CHP1: variants seen among roughly 807,000 people sequenced by gnomAD.
The protein encoded by CHP1 is calcineurin like EF-hand protein 1.
CHP1 carries 11 observed loss-of-function variants against 27.4 expected under a neutral mutation model. The observed-to-expected ratio is 0.40, with a 90% CI of 0.25 to 0.67. The LOEUF is 0.67. CHP1 is among the 30% of genes least tolerant of loss of function. CHP1 has a pLI of 0.38. For synonymous variants in CHP1, 89 were observed against 87.4 expected, an observed-to-expected ratio of 1.02 and a Z score of -0.10; for missense variants, 169 against 251.3, an observed-to-expected ratio of 0.67 and a Z score of 2.22.
intron 1 of CHP1, among the ~76,000 whole-genome samples, chr15:41,233,537 T>C (rs1259824906): frequency 1.3e-5 from 2 of 152,192 alleles, no homozygotes; most frequent in Non-Finnish European, 1.5e-5. Flanking sequence ...TGCAAATGTA[T>C]GTATTGAGCC....
intron 2 of CHP1, among the ~76,000 whole-genome samples, chr15:41,256,211 G>A (rs1295226776): frequency 6.6e-6 from 1 of 152,182 alleles, no homozygotes; most frequent in Non-Finnish European, 1.5e-5. Context: ...GAAGAAATGA[G>A]AATAATGTAT....
intron 1 of CHP1, 119 bp downstream of exon 1, chr15:41,231,568 T>A: frequency 1.1e-6 from 1 of 945,348 alleles, no homozygotes; most frequent in South Asian, 1.4e-5. Context: ...CTGGGCAGCC[T>A]CCAGGTTTGG....
At chr15:41,249,863 A>G (rs2047356446) in intron 2 of CHP1, among the ~76,000 whole-genome samples, 3 of 150,552 alleles carry the variant, frequency 2.0e-5, no homozygotes, top group Admixed American at 1.3e-4. Context: ...TCCTCTTTCA[A>G]GGTGCTCCAT....
chr15:41,259,196 T>G (rs997766067), intron 3 of CHP1, among the ~76,000 whole-genome samples: 5 of 152,186 alleles, frequency 3.3e-5, no homozygotes, highest in African/African-American at 1.2e-4. Flanking sequence ...TATCCAAACC[T>G]TTTGCAATGA....
At chr15:41,258,113 T>TGTAC (rs1168967605) in intron 3 of CHP1, among the ~76,000 whole-genome samples, 1 of 152,164 alleles carries the variant, frequency 6.6e-6, no homozygotes, top group African/African-American at 2.4e-5. Flanking sequence ...CATGCCTACA[T>TGTAC]GTACGTACAT....
intron 2 of CHP1, among the ~76,000 whole-genome samples, chr15:41,251,490 C>G (rs1386997072): frequency 6.6e-6 from 1 of 152,178 alleles, no homozygotes; most frequent in Non-Finnish European, 1.5e-5. Context: ...GGTTGCAGAC[C>G]AGTACCAGTC....
rs1415920845 is a variant in CHP1, at chr15:41,231,289, C to G, written c.-94C>G. 26 of 1,271,922 alleles carry G rather than the reference C, an allele frequency of 2.0e-5. No homozygotes were observed. Among genetic ancestry groups the G allele is most frequent in the Non-Finnish European group, 2.8e-5 (25 of 895,042 alleles). 78.8% of individuals were successfully genotyped at this position (1,271,922 alleles called of 1,614,324 possible). A position where few individuals can be genotyped will look rare whatever the true frequency, so the allele number is the denominator to read the frequency against. The stretch of plus-strand genomic sequence containing the variant: ...CCGCAGTGGAAACACTGCCCTCTCC[C>G]TTCTTGACCCCTAGCCCTTCCTTCC... On this transcript the variant is annotated 5_prime_UTR_variant, in exon 1 of 7. Coordinates refer to ENST00000334660, the MANE Select transcript of CHP1 (RefSeq NM_007236.5).
intron 4 of CHP1, among the ~76,000 whole-genome samples, chr15:41,265,047 T>C (rs1366416283): frequency 6.6e-6 from 1 of 152,090 alleles, no homozygotes. Flanking sequence ...CATTTGCCAC[T>C]GAGACACATT....
Position 41,280,197 on chromosome 15 carries a change from C to T in CHP1, c.*808C>T, listed in dbSNP as rs2047538516. 1 of 152,218 alleles carries T rather than the reference C, an allele frequency of 6.6e-6. No individual in the cohort carries two copies. The highest frequency in any genetic ancestry group is 1.5e-5 in the Non-Finnish European group (1 of 68,068). The allele number at this position is 152,218 out of a possible 1,614,324, so 9.4% of individuals were successfully genotyped here. A position where few individuals can be genotyped will look rare whatever the true frequency, so the allele number is the denominator to read the frequency against. ...ATCACTCTATCTCTGGCCTCTGATT[C>T]TCAACTTTGTACCTGTGTGGCTCCT... On this transcript the variant is annotated 3_prime_UTR_variant, in exon 7 of 7. Coordinates refer to ENST00000334660, the MANE Select transcript of CHP1 (RefSeq NM_007236.5).
intron 2 of CHP1, among the ~76,000 whole-genome samples, chr15:41,252,893 T>G (rs2047377041): frequency 6.6e-6 from 1 of 151,902 alleles, no homozygotes. Flanking sequence ...TGGTATGCTT[T>G]TCAGTGAATC....
At chr15:41,242,563 G>A (rs963458635) in intron 1 of CHP1, among the ~76,000 whole-genome samples, 2 of 152,036 alleles carry the variant, frequency 1.3e-5, no homozygotes, top group Non-Finnish European at 2.9e-5. Flanking sequence ...AGGTTACAGT[G>A]AGCTGAGATT....
chr15:41,233,310 T>G (rs1257157935), intron 1 of CHP1, among the ~76,000 whole-genome samples: 1 of 152,288 alleles, frequency 6.6e-6, no homozygotes, highest in East Asian at 1.9e-4. Context: ...TGAGAAAGTG[T>G]AAACCATAGT....
chr15:41,235,645 A>G (rs890666377), intron 1 of CHP1, among the ~76,000 whole-genome samples: 1 of 152,240 alleles, frequency 6.6e-6, no homozygotes, highest in Admixed American at 6.5e-5. Flanking sequence ...TGGTACGGGA[A>G]GGGTGTTGAA....
At chr15:41,264,156 A>G (rs2047448161) in intron 4 of CHP1, 31 of 1,280,254 alleles carry the variant, frequency 2.4e-5, no homozygotes, top group Non-Finnish European at 3.1e-5. Context: ...TCTTGTTCAC[A>G]TCTGGCAGTA....
chr15:41,257,088 T>G, intron 3 of CHP1, 98 bp downstream of exon 3: 2 of 846,226 alleles, frequency 2.4e-6, no homozygotes, highest in Non-Finnish European at 3.8e-6. Flanking sequence ...CATCTCAGAC[T>G]GTGATACCCC....
chr15:41,265,652 A>C (rs2047456505), intron 4 of CHP1, among the ~76,000 whole-genome samples: 1 of 151,524 alleles, frequency 6.6e-6, no homozygotes, highest in African/African-American at 2.4e-5. Context: ...CAGAGGTTGC[A>C]GTTAGCCGAG....
chr15:41,264,416 G>A (rs1351788998), intron 4 of CHP1, among the ~76,000 whole-genome samples: 1 of 152,096 alleles, frequency 6.6e-6, no homozygotes, highest in Non-Finnish European at 1.5e-5. Context: ...AAAGTGCTAT[G>A]CAGGTTATGC....
Position 41,278,775 on chromosome 15 carries a change from C to T in CHP1, c.420C>T (p.Arg140=). 1 of 1,614,112 alleles carries T rather than the reference C, an allele frequency of 6.2e-7. No homozygotes were observed. The highest frequency in any genetic ancestry group is 8.5e-7 in the Non-Finnish European group (1 of 1,180,000). The change falls in exon 6 of 7, where the codon CGC becomes CGT. Residue 140 remains arginine, a synonymous_variant. Coordinates refer to ENST00000334660, the MANE Select transcript of CHP1 (RefSeq NM_007236.5). ...ISRDELLQVL[R]MMVGVNISDE... is the part of the protein sequence containing the mutation. ...GGCTCTTGGTCTTCCAGGTGCTACG[C>T]ATGATGGTCGGAGTAAATATCTCAG...
chr15:41,247,605 G>T (rs1297250829), intron 2 of CHP1, among the ~76,000 whole-genome samples: 1 of 151,912 alleles, frequency 6.6e-6, no homozygotes, highest in Non-Finnish European at 1.5e-5. Flanking sequence ...CCGGGAGGTG[G>T]AGGTTGCAGT....
Sources: allele counts gnomAD v4.1 joint callset (sites outside exome capture counted in the v4.1 genomes callset), GRCh38; gene constraint gnomAD v4.1.1; transcripts MANE v1.5; gene names NCBI Gene and HGNC (gene_info 2026-07-23, HGNC 2026-07-21).